Variants in IFT172 observed in about 807,000 individuals in gnomAD.
The protein encoded by IFT172 is intraflagellar transport 172.
Under a neutral mutation model 248.9 loss-of-function variants are expected in IFT172, and 164 were observed. That is an observed-to-expected ratio of 0.66 (90% CI 0.58 to 0.75). The LOEUF (loss-of-function observed/expected upper bound fraction) is 0.75, where lower values mean the gene tolerates loss of function less well. Among genes scored for constraint, IFT172 ranks in the 30% least tolerant of loss-of-function variants. IFT172 has a pLI of 0.00. For synonymous variants in IFT172, 729 were observed against 791.6 expected, an observed-to-expected ratio of 0.92 and a Z score of 1.33; for missense variants, 1,950 against 2,192.4, an observed-to-expected ratio of 0.89 and a Z score of 2.21.
At chr2:27,482,011 T>G (rs1668413647) in intron 7 of IFT172, among the ~76,000 whole-genome samples, 1 of 149,792 alleles carries the variant, frequency 6.7e-6, no homozygotes, top group South Asian at 2.1e-4. Flanking sequence ...TTAGATGGAG[T>G]CTCACTCTGT....
chr2:27,461,103 C>T lies in IFT172; in HGVS notation c.2443-10G>A. 1 of 1,614,144 alleles carries T rather than the reference C, an allele frequency of 6.2e-7. No homozygotes were observed. Among genetic ancestry groups the T allele is most frequent in the Non-Finnish European group, 8.5e-7 (1 of 1,180,026 alleles). ...CAAAGAGATCACCTGCCTGTTAACA[C>T]ATACCACATTACTATGATACCCCTA... On this transcript the variant is annotated splice_polypyrimidine_tract_variant and intron_variant, in intron 22 of 47. Transcript: ENST00000260570.
At chr2:27,455,803 G>A in intron 30 of IFT172, 1 of 484,652 alleles carries the variant, frequency 2.1e-6, no homozygotes, top group South Asian at 1.6e-5. Flanking sequence ...TGGCATCATG[G>A]ACCATGAAGA....
Position 27,444,513 on chromosome 2 carries a change from G to A in IFT172, c.5169C>T (p.His1723=), listed in dbSNP as rs1245047323. 1.9e-6 allele frequency: 3 copies of A among 1,613,294 alleles called. No homozygotes were observed. The highest frequency in any genetic ancestry group is 1.1e-5 in the South Asian group (1 of 90,914). Reference sequence around the variant, plus strand: ...TCAGCACGTCCTGGCACACTGGGCTGTGGGAGGTCTGTGAGCAAATGGAAG... The same window carrying A: ...TCAGCACGTCCTGGCACACTGGGCTATGGGAGGTCTGTGAGCAAATGGAAG... ...NKFLMAIKTS[H]SPVCQDVLKF... Residue 1723 remains histidine, a synonymous_variant, in exon 48 of 48, where the codon CAC becomes CAT. Transcript: ENST00000260570.
intron 14 of IFT172, among the ~76,000 whole-genome samples, chr2:27,474,912 C>T (rs928912229): frequency 2.0e-5 from 3 of 151,460 alleles, no homozygotes; most frequent in African/African-American, 7.3e-5. Context: ...AATGTCTGAA[C>T]AGTAAAAGAC....
intron 10 of IFT172, among the ~76,000 whole-genome samples, chr2:27,478,929 C>T (rs1668153093): frequency 1.3e-5 from 2 of 152,156 alleles, no homozygotes; most frequent in South Asian, 4.1e-4. Context: ...TGCCCAATTG[C>T]CAGTGTGTAG....
Position 27,445,940 on chromosome 2 carries a change from C to A in IFT172, c.4804G>T (p.Asp1602Tyr). ...MAFIFLNRFL[D>Y]LTDAIEEGTL... ...GCTTCCCTACTCACATCGGTCAGGTCCAAAAAGCGATTGAGGAAGATGAAT... is the reference window on the plus strand; with the variant it reads ...GCTTCCCTACTCACATCGGTCAGGTACAAAAAGCGATTGAGGAAGATGAAT... The change falls in exon 44 of 48, where the codon GAC (aspartate) becomes TAC (tyrosine). Residue 1602 changes from aspartate (D) to tyrosine (Y), a missense_variant. By Grantham distance (160) the Asp-to-Tyr change is radical. Transcript: ENST00000260570. The surrounding 1 kb of genome is among the most constrained non-coding windows in gnomAD (Gnocchi z 4.4). 6.2e-7 allele frequency: 1 copy of A among 1,614,184 alleles called. No individual in the cohort carries two copies. The highest frequency in any genetic ancestry group is 2.2e-5 in the East Asian group (1 of 44,884).
Position 27,454,098 on chromosome 2 carries a change from C to G in IFT172, c.3595G>C (p.Val1199Leu). Residue 1199 changes from valine (V) to leucine (L), a missense_variant, in exon 33 of 48, where the codon GTC becomes CTC. Transcript: ENST00000260570. This position sits in a 1 kb window ranked among gnomAD's most constrained non-coding sequence, Gnocchi z 4.2. ...GCCTGTCCCACAAGCACCTCGGCGA[C>G]ACTGTCAGGGTCGTGAGCCTCAGCC... ...RVAEAHDPDS[V>L]AEVLVGQARG... 1 of 1,614,132 alleles carries G rather than the reference C, an allele frequency of 6.2e-7. No homozygotes were observed. Among genetic ancestry groups the G allele is most frequent in the African/African-American group, 1.3e-5 (1 of 75,064 alleles).
In IFT172 at chr2:27,454,539, G is replaced by A; in HGVS notation, c.3465+28C>T. 1 of 1,612,534 alleles carries A rather than the reference G, an allele frequency of 6.2e-7. No homozygotes were observed. Among genetic ancestry groups the A allele is most frequent in the Non-Finnish European group, 8.5e-7 (1 of 1,178,608 alleles). On this transcript the variant is annotated intron_variant, in intron 31 of 47. Transcript: ENST00000260570. The surrounding 1 kb of genome is among the most constrained non-coding windows in gnomAD (Gnocchi z 4.2). ...CTAGGGGATGGAATAAGAGGGCTCT[G>A]CGGTCGGGGTCCAAATCACACCCAT...
chr2:27,467,613 CAA>C (rs758559563), intron 16 of IFT172, among the ~76,000 whole-genome samples: 1,524 of 53,096 alleles, frequency 0.029, 3 homozygotes, highest in Non-Finnish European at 0.04. Context: ...ACCCTGTCTC[CAA>C]AAAAAAAAAA....
intron 11 of IFT172, 28 bp downstream of exon 11, chr2:27,477,967 C>A: frequency 6.2e-7 from 1 of 1,613,290 alleles, no homozygotes; most frequent in South Asian, 1.1e-5. Context: ...GCCCTATTCC[C>A]CACCCTACCC....
At position 27,481,154 on chromosome 2, in the gene IFT172, C is replaced by T. The variant is rs751922469; in HGVS notation, c.677G>A (p.Gly226Asp). ...ATAATCAAAAGTTTGTAGCATGTGA[C>T]CTTCTTTTCCATAGGCTACAATTTT... ...DRKIVAYGKEGHMLQTFDYSR... is the reference protein window; with the variant it reads ...DRKIVAYGKEDHMLQTFDYSR... The change falls in exon 8 of 48, where the codon GGT becomes GAT. Residue 226 changes from glycine (G) to aspartate (D), a missense_variant. This residue lies in a region of IFT172 where 1,166 missense variants were observed against 1,254.1 expected (regional missense o/e 0.93). Coordinates refer to ENST00000260570, the MANE Select transcript of IFT172 (RefSeq NM_015662.3). The T allele has an allele frequency of 6.2e-7, 1 of 1,613,686 alleles. No individual in the cohort carries two copies. Among genetic ancestry groups the T allele is most frequent in the Non-Finnish European group, 8.5e-7 (1 of 1,179,996 alleles).
rs1320713232 is a variant in IFT172, at chr2:27,449,112, T to C, written c.4312-81A>G. On this transcript the variant is annotated intron_variant, in intron 39 of 47. Coordinates refer to ENST00000260570, the MANE Select transcript of IFT172 (RefSeq NM_015662.3). The stretch of plus-strand genomic sequence containing the variant: ...GTGAGGTGACTTGAGGCCATGTATT[T>C]GTTGAGGGGAAAAAGGGTGTACGCA... The C allele has an allele frequency of 7.4e-6, 8 of 1,085,048 alleles. No individual in the cohort carries two copies. The African/African-American group carries it at 9.3e-5, about 13-fold the overall frequency. The allele number at this position is 1,085,048 out of a possible 1,614,324, so 67.2% of individuals were successfully genotyped here.
Position 27,476,664 on chromosome 2 carries a change from A to G in IFT172, c.1388T>C (p.Ile463Thr), listed in dbSNP as rs1236901349. ...TEDNKKLAYL[I>T]DIKTIAIVDL... The stretch of plus-strand genomic sequence containing the variant: ...ACCTATAGCAATAGTCTTAATATCA[A>G]TAAGATAAGCCAATTTCTTATTATC... Residue 463 changes from isoleucine (I) to threonine (T), a missense_variant, in exon 14 of 48, where the codon ATT (isoleucine) becomes ACT (threonine). Ile to Thr is a moderately conservative substitution (Grantham distance 89). Transcript: ENST00000260570. The G allele has an allele frequency of 5.0e-6, 8 of 1,602,558 alleles. No homozygotes were observed. Among genetic ancestry groups the G allele is most frequent in the South Asian group, 1.1e-5 (1 of 90,782 alleles).
At position 27,461,096 on chromosome 2, in the gene IFT172, G is replaced by A. The variant is rs774328767; in HGVS notation, c.2443-3C>T. On this transcript the variant is annotated splice_region_variant and splice_polypyrimidine_tract_variant and intron_variant, in intron 22 of 47. Transcript: ENST00000260570. ...ATCTTCTCAAAGAGATCACCTGCCT[G>A]TTAACACATACCACATTACTATGAT... is the stretch of plus-strand genomic sequence containing the variant. 92 of 1,614,004 alleles carry A rather than the reference G, an allele frequency of 5.7e-5. No homozygotes were observed. In the Middle Eastern group the frequency reaches 1.2e-3, roughly 20 times the overall value.
rs371169770 is a variant in IFT172, at chr2:27,454,096, G to A, written c.3597C>T (p.Val1199=). The part of the protein sequence containing the change: ...RVAEAHDPDS[V]AEVLVGQARG... ...GGGCCTGTCCCACAAGCACCTCGGCGACACTGTCAGGGTCGTGAGCCTCAG... is the reference window on the plus strand; with the variant it reads ...GGGCCTGTCCCACAAGCACCTCGGCAACACTGTCAGGGTCGTGAGCCTCAG... Residue 1199 remains valine, a synonymous_variant, in exon 33 of 48, where the codon GTC becomes GTT. Transcript: ENST00000260570. The surrounding 1 kb of genome is among the most constrained non-coding windows in gnomAD (Gnocchi z 4.2). The A allele has an allele frequency of 1.2e-5, 20 of 1,613,892 alleles. No homozygotes were observed. Among genetic ancestry groups the A allele is most frequent in the African/African-American group, 1.1e-4 (8 of 74,916 alleles).
At position 27,472,353 on chromosome 2, in the gene IFT172, A is replaced by G. The variant is rs2148531725; in HGVS notation, c.1421T>C (p.Ile474Thr). The change falls in exon 15 of 48, where the codon ATT (isoleucine) becomes ACT (threonine). Residue 474 changes from isoleucine to threonine, a missense_variant. Transcript: ENST00000260570. ...GACGGTGCCAATGTTGTAGCCACCA[A>G]TCAGATCCACTATAGAATAAAGGAG... ...DIKTIAIVDL[I>T]GGYNIGTVSH... 1 of 1,613,738 alleles carries G rather than the reference A, an allele frequency of 6.2e-7. No individual in the cohort carries two copies. The highest frequency in any genetic ancestry group is 8.5e-7 in the Non-Finnish European group (1 of 1,179,622).
In IFT172 at chr2:27,457,879, G is replaced by C. The variant is rs61747068; in HGVS notation, c.3073C>G (p.Pro1025Ala). The C allele has an allele frequency of 6.9e-4, 1,120 of 1,614,198 alleles. 6 individuals carry two copies. The highest frequency in any genetic ancestry group is 2.9e-3 in the African/African-American group (217 of 75,036). Reference sequence around the variant, plus strand: ...AGGTGTGTATCACTGAGGAGATCTGGATGGTGCTTCCCTACCAGGCGGATC... The same window carrying C: ...AGGTGTGTATCACTGAGGAGATCTGCATGGTGCTTCCCTACCAGGCGGATC... ...DMIRLVGKHH[P>A]DLLSDTHLHL... The change falls in exon 28 of 48, where the codon CCA becomes GCA. Residue 1025 changes from proline to alanine, a missense_variant. This residue lies in a region of IFT172 where 164 missense variants were observed against 239.3 expected (regional missense o/e 0.69). Coordinates refer to ENST00000260570, the MANE Select transcript of IFT172 (RefSeq NM_015662.3).
Position 27,452,991 on chromosome 2 carries a change from G to C in IFT172, c.3951+393C>G, listed in dbSNP as rs371909033. ...TTTTTTCATGTTCCCTGTCTGGCCA[G>C]TTCCTGTGCCTGGAGTTGCCCTTCC... On this transcript the variant is annotated intron_variant, in intron 35 of 47. Coordinates refer to ENST00000260570, the MANE Select transcript of IFT172 (RefSeq NM_015662.3). The C allele has an allele frequency of 8.7e-4, 300 of 345,968 alleles. 6 individuals are homozygous for C. The highest frequency in any genetic ancestry group is 6.6e-3 in the South Asian group (293 of 44,078). 21.4% of individuals were successfully genotyped at this position (345,968 alleles called of 1,614,324 possible).
At chr2:27,484,063 TAAGG>T in intron 4 of IFT172, 126 bp from the exon 5 acceptor site, 1 of 1,276,024 alleles carries the variant, frequency 7.8e-7, no homozygotes, top group Non-Finnish European at 1.1e-6. Context: ...AGCAGGGCTC[TAAGG>T]AAGACAGCAG....
Sources: allele counts gnomAD v4.1 joint callset (sites outside exome capture counted in the v4.1 genomes callset), GRCh38; gene constraint gnomAD v4.1.1; regional missense constraint gnomAD v4.1.1; non-coding constraint Gnocchi (gnomAD v3.1); transcripts MANE v1.5; gene names NCBI Gene and HGNC (gene_info 2026-07-23, HGNC 2026-07-21).